The following KIF18A variants were observed in gnomAD, a reference collection of about 807,000 sequenced individuals.
KIF18A encodes kinesin-like protein KIF18A.
A neutral mutation model predicts 103.3 loss-of-function variants in KIF18A; 67 were observed. The ratio of observed to expected loss-of-function variants is 0.65; its 90% CI spans 0.53 to 0.79. KIF18A has a LOEUF of 0.79. Among genes scored for constraint, KIF18A ranks in the 30% least tolerant of loss-of-function variants. The pLI, the probability that KIF18A is intolerant of heterozygous loss-of-function variation, is 0.00. For missense variants in KIF18A, 1,032 were observed against 1,062.5 expected (o/e 0.97, Z 0.40); for synonymous variants, 367 against 355.5 (o/e 1.03, Z -0.36).
chr11:28,063,340 G>A (rs1490149282), intron 11 of KIF18A, among the ~76,000 whole-genome samples: 5 of 151,942 alleles, frequency 3.3e-5, no homozygotes, highest in African/African-American at 9.7e-5. Flanking sequence ...CAAATATTAC[G>A]TCTGTTCTCC....
intron 13 of KIF18A, among the ~76,000 whole-genome samples, chr11:28,052,600 T>C (rs1430060211): frequency 6.6e-6 from 1 of 152,086 alleles, no homozygotes; most frequent in Non-Finnish European, 1.5e-5. Context: ...AAAATAGCAA[T>C]CTCTCTCCTC....
intron 6 of KIF18A, among the ~76,000 whole-genome samples, chr11:28,086,914 C>A (rs1851235673): frequency 6.6e-6 from 1 of 151,908 alleles, no homozygotes; most frequent in South Asian, 2.1e-4. Context: ...GAGATTTTAA[C>A]TCAGAATATA....
At chr11:28,029,483 T>A (rs1278843730) in intron 15 of KIF18A, among the ~76,000 whole-genome samples, 1 of 152,148 alleles carries the variant, frequency 6.6e-6, no homozygotes, top group African/African-American at 2.4e-5. Context: ...TCAACAGCCC[T>A]TCATGCTAAA....
At chr11:28,047,386 T>A (rs557875575) in intron 13 of KIF18A, among the ~76,000 whole-genome samples, 1 of 152,258 alleles carries the variant, frequency 6.6e-6, no homozygotes, top group Non-Finnish European at 1.5e-5. Flanking sequence ...GACATTTCTA[T>A]GTCATGGGAA....
At chr11:28,096,409 T>G (rs140063893) in intron 2 of KIF18A, among the ~76,000 whole-genome samples, 103 of 152,310 alleles carry the variant, frequency 6.8e-4, no homozygotes, top group African/African-American at 2.3e-3. Context: ...TTCTATTTTA[T>G]GTAAGCTGGT....
chr11:28,069,467 T>G, intron 10 of KIF18A, 44 bp from the exon 11 acceptor site: 1 of 1,563,288 alleles, frequency 6.4e-7, no homozygotes. Flanking sequence ...TTTTATGATA[T>G]TTGATGTACA....
intron 11 of KIF18A, among the ~76,000 whole-genome samples, chr11:28,063,837 G>C (rs1249047770): frequency 1.3e-5 from 2 of 151,780 alleles, no homozygotes; most frequent in African/African-American, 4.8e-5. Context: ...ACAATGCAAA[G>C]TATTCTTCAG....
chr11:28,082,735 A>C, intron 9 of KIF18A, 121 bp downstream of exon 9: 2 of 594,094 alleles, frequency 3.4e-6, no homozygotes, highest in Non-Finnish European at 5.7e-6. Context: ...TATATATAAA[A>C]TTATAAACAT....
intron 9 of KIF18A, among the ~76,000 whole-genome samples, chr11:28,082,447 A>G (rs1590702440): frequency 6.6e-6 from 1 of 152,250 alleles, no homozygotes; most frequent in East Asian, 1.9e-4. Context: ...CCACCAGCAA[A>G]AAGATTATGA....
At position 28,094,624 on chromosome 11, in the gene KIF18A, A is replaced by C. The variant is rs1851345220; in HGVS notation, c.483+19T>G. The C allele has an allele frequency of 3.8e-6, 6 of 1,569,584 alleles. No individual in the cohort carries two copies. In the Middle Eastern group the frequency reaches 5.1e-4, roughly 133 times the overall value. On this transcript the variant is annotated intron_variant, in intron 3 of 16. Transcript: ENST00000263181. The stretch of plus-strand genomic sequence containing the variant: ...AATGATTTCCCAAAACTATTGATTA[A>C]TCTAAATTCCCAACTTACCTCCAGA...
At chr11:28,050,214 T>C (rs993195190) in intron 13 of KIF18A, among the ~76,000 whole-genome samples, 1 of 151,850 alleles carries the variant, frequency 6.6e-6, no homozygotes, top group Non-Finnish European at 1.5e-5. Flanking sequence ...GAAGGGACAA[T>C]ACAAAGAACC....
Position 28,084,781 on chromosome 11 carries a change from T to C in KIF18A, c.925A>G (p.Asn309Asp). 1.9e-6 allele frequency: 3 copies of C among 1,613,048 alleles called. No homozygotes were observed. Among genetic ancestry groups the C allele is most frequent in the Non-Finnish European group, 2.5e-6 (3 of 1,179,290 alleles). Residue 309 changes from asparagine (N) to aspartate (D), a missense_variant, in exon 7 of 17, where the codon AAT becomes GAT. By Grantham distance (23) the Asn-to-Asp change is conservative. Coordinates refer to ENST00000263181, the MANE Select transcript of KIF18A (RefSeq NM_031217.4). ...KRKNQHIPYR[N>D]SKLTRLLKDS... ...TTTAACAAGCGAGTAAGCTTACTATTTCTGTAAGGGATATGCTGATTCTTT... is the reference window on the plus strand; with the variant it reads ...TTTAACAAGCGAGTAAGCTTACTATCTCTGTAAGGGATATGCTGATTCTTT...
chr11:28,084,616 G>A lies in KIF18A; in HGVS notation c.1074+16C>T. 6.4e-7 allele frequency: 1 copy of A among 1,574,500 alleles called. No individual in the cohort carries two copies. The highest frequency in any genetic ancestry group is 8.7e-7 in the Non-Finnish European group (1 of 1,149,274). ...AGACAATACCTTCACAACAAAGGCA[G>A]AGTAAACAGACTTACAGAAGATTTA... On this transcript the variant is annotated intron_variant, in intron 7 of 16. Coordinates refer to ENST00000263181, the MANE Select transcript of KIF18A (RefSeq NM_031217.4).
intron 1 of KIF18A, among the ~76,000 whole-genome samples, chr11:28,103,362 C>T (rs1851468337): frequency 6.6e-6 from 1 of 150,422 alleles, no homozygotes; most frequent in African/African-American, 2.4e-5. Context: ...ACTTCTGGTA[C>T]CAAGCATTTT....
At chr11:28,081,796 G>A (rs1851169012) in intron 9 of KIF18A, among the ~76,000 whole-genome samples, 1 of 152,102 alleles carries the variant, frequency 6.6e-6, no homozygotes, top group Admixed American at 6.6e-5. Context: ...ATGCTTCTCT[G>A]ACGGATCTAG....
At chr11:28,027,846 T>C (rs1850340917) in intron 15 of KIF18A, among the ~76,000 whole-genome samples, 1 of 151,950 alleles carries the variant, frequency 6.6e-6, no homozygotes, top group Non-Finnish European at 1.5e-5. Context: ...AAAATCATTA[T>C]ATGAGGCCAG....
intron 6 of KIF18A, 121 bp from the exon 7 acceptor site, chr11:28,084,929 A>C (rs921049723): frequency 6.1e-6 from 4 of 658,884 alleles, no homozygotes; most frequent in Admixed American, 5.3e-5. Context: ...GACTGAAGGT[A>C]TAAACTGTTT....
rs533641575 is a variant in KIF18A at position 28,042,074 on chromosome 11, T to G, written c.1949-5410A>C. ...TTTCCCTTTCTAGTTTGGACACTCA[T>G]AGAGACTTGAGGCAGTAGAAACTCT... On this transcript the variant is annotated intron_variant, in intron 13 of 16. Coordinates refer to ENST00000263181, the MANE Select transcript of KIF18A (RefSeq NM_031217.4). Among the ~76,000 whole-genome samples the G allele has an allele frequency of 9.1e-4, 138 of 151,884 alleles. 1 individual carries two copies. In the South Asian group the frequency reaches 0.028, roughly 30 times the overall value.
intron 10 of KIF18A, 65 bp from the exon 11 acceptor site, chr11:28,069,488 A>T: frequency 7.0e-7 from 1 of 1,421,266 alleles, no homozygotes; most frequent in African/African-American, 1.4e-5. Context: ...TGATATTAGT[A>T]AACTAGTATA....
Sources: gnomAD v4.1 joint callset for allele counts (sites outside exome capture counted in the v4.1 genomes callset) on GRCh38, gnomAD v4.1.1 for gene constraint, MANE v1.5 for transcripts, NCBI Gene and HGNC (gene_info 2026-07-23, HGNC 2026-07-21) for gene names.